Variants in ESRRB observed in about 807,000 individuals in gnomAD.
The protein encoded by ESRRB is estrogen related receptor beta, also known as steroid hormone receptor ERR2.
ESRRB carries 16 observed loss-of-function variants against 46.0 expected under a neutral mutation model. The observed-to-expected ratio is 0.35, with a 90% confidence interval of 0.24 to 0.53. The LOEUF (loss-of-function observed/expected upper bound fraction) is 0.53, where lower values mean the gene tolerates loss of function less well. ESRRB is among the 20% of genes least tolerant of loss of function. The pLI, the probability that ESRRB is intolerant of heterozygous loss-of-function variation, is 0.93. For missense variants in ESRRB, 488 were observed against 607.4 expected (o/e 0.80, Z 2.07); for synonymous variants, 246 against 259.6 (o/e 0.95, Z 0.50).
At chr14:76,381,738 C>T (rs982682592) in intron 1 of ESRRB, among the ~76,000 whole-genome samples, 4 of 152,116 alleles carry the variant, frequency 2.6e-5, no homozygotes, top group South Asian at 2.1e-4. Flanking sequence ...GGTGACTGTT[C>T]GCTGGCTCCT....
intron 1 of ESRRB, among the ~76,000 whole-genome samples, chr14:76,385,375 A>G (rs563695817): frequency 1.3e-4 from 20 of 152,296 alleles, no homozygotes; most frequent in African/African-American, 4.6e-4. Context: ...GAGAAATTTT[A>G]TATCTTCAAT....
intron 2 of ESRRB, 67 bp from the exon 3 acceptor site, chr14:76,462,478 C>A: frequency 8.3e-7 from 1 of 1,207,314 alleles, no homozygotes; most frequent in Non-Finnish European, 1.2e-6. Context: ...ATCCAGCCAG[C>A]CCTGCGCTGG....
At chr14:76,324,261 G>A (rs535253158) in intron 1 of ESRRB, among the ~76,000 whole-genome samples, 7 of 152,308 alleles carry the variant, frequency 4.6e-5, no homozygotes, top group African/African-American at 1.7e-4. Context: ...AGACTGGTCA[G>A]TTCCAACCCC....
chr14:76,433,619 C>A (rs939494008), intron 1 of ESRRB, among the ~76,000 whole-genome samples: 1 of 152,154 alleles, frequency 6.6e-6, no homozygotes, highest in African/African-American at 2.4e-5. Context: ...CATGAAGGCA[C>A]CCCTGCTCCG....
chr14:76,433,985 C>T (rs1209469831), intron 1 of ESRRB, among the ~76,000 whole-genome samples: 2 of 131,338 alleles, frequency 1.5e-5, no homozygotes, highest in Non-Finnish European at 3.2e-5. Flanking sequence ...TTTTTTGAGA[C>T]GGGGTCTCTG....
At chr14:76,388,467 G>A (rs1477781729) in intron 1 of ESRRB, among the ~76,000 whole-genome samples, 1 of 151,984 alleles carries the variant, frequency 6.6e-6, no homozygotes, top group South Asian at 2.1e-4. Flanking sequence ...TTACAGGCGT[G>A]AGCCACTGCA....
At chr14:76,441,078 G>C (rs1887903672) in intron 2 of ESRRB, among the ~76,000 whole-genome samples, 2 of 152,120 alleles carry the variant, frequency 1.3e-5, no homozygotes. Flanking sequence ...GTCTTGCTAT[G>C]TTGCCCAGGC....
chr14:76,318,984 C>G (rs1251094397), intron 1 of ESRRB, among the ~76,000 whole-genome samples: 1 of 152,178 alleles, frequency 6.6e-6, no homozygotes, highest in Non-Finnish European at 1.5e-5. Flanking sequence ...CTGAAGGGGA[C>G]TCCACTCCCA....
At chr14:76,430,201 T>C (rs765728307) in intron 1 of ESRRB, among the ~76,000 whole-genome samples, 2 of 152,178 alleles carry the variant, frequency 1.3e-5, no homozygotes, top group Non-Finnish European at 2.9e-5. Context: ...AGTATAGTAG[T>C]TCTAGGTGCC....
At chr14:76,338,689 T>G (rs1389667504) in intron 1 of ESRRB, among the ~76,000 whole-genome samples, 1 of 152,246 alleles carries the variant, frequency 6.6e-6, no homozygotes, top group African/African-American at 2.4e-5. Flanking sequence ...CTCATGCCTG[T>G]AATCCCACCA....
Position 76,482,614 on chromosome 14 carries a change from A to G in ESRRB, c.705A>G (p.Ser235=). The change falls in exon 5 of 7, where the codon TCA becomes TCG. Residue 235 remains serine (S), a synonymous_variant. Transcript: ENST00000644823. The surrounding 1 kb of genome is among the most constrained non-coding windows in gnomAD (Gnocchi z 4.3). ...PAKKPLTKIV[S]YLLVAEPDKL... is the part of the protein sequence containing the mutation. ...TTGTTGCAGTGACCAAGATTGTCTC[A>G]TACCTACTGGTGGCTGAGCCGGACA... The G allele has an allele frequency of 1.2e-6, 2 of 1,613,958 alleles. No homozygotes were observed. Among genetic ancestry groups the G allele is most frequent in the Non-Finnish European group, 1.7e-6 (2 of 1,179,938 alleles).
chr14:76,330,225 G>A (rs1566852549), intron 1 of ESRRB, among the ~76,000 whole-genome samples: 1 of 152,144 alleles, frequency 6.6e-6, no homozygotes, highest in Non-Finnish European at 1.5e-5. Flanking sequence ...CCAAGGGGCT[G>A]GCTCCCGAAT....
At chr14:76,355,299 G>T (rs1322195091) in intron 1 of ESRRB, among the ~76,000 whole-genome samples, 2 of 152,114 alleles carry the variant, frequency 1.3e-5, no homozygotes, top group Non-Finnish European at 2.9e-5. Context: ...CTGAGTTTGT[G>T]TGTGTTAAGG....
At chr14:76,314,180 A>C (rs1017647097) in intron 1 of ESRRB, among the ~76,000 whole-genome samples, 1 of 152,172 alleles carries the variant, frequency 6.6e-6, no homozygotes, top group Non-Finnish European at 1.5e-5. Context: ...CTTCTGTACA[A>C]CTTCTGTGCT....
At chr14:76,494,752 G>A (rs1306365298) in intron 6 of ESRRB, among the ~76,000 whole-genome samples, 1 of 152,210 alleles carries the variant, frequency 6.6e-6, no homozygotes, top group Non-Finnish European at 1.5e-5. Flanking sequence ...GGGCTTCGAG[G>A]TTCTGTCAGG....
rs1036623593 is a variant in ESRRB, at chr14:76,381,076, A to T, written c.50+4625A>T. 4.3e-4 allele frequency among the ~76,000 whole-genome samples: 65 copies of T among 152,252 alleles called. 1 individual carries two copies. The highest frequency in any genetic ancestry group is 1.5e-3 in the African/African-American group (62 of 41,542). On this transcript the variant is annotated intron_variant, in intron 1 of 6. Transcript: ENST00000644823. Reference sequence around the variant, plus strand: ...CTTAGACCTCTGGGGACAGTCACAGACATGGTCTTCCCTCAGAGGAGAGGC... The same window carrying T: ...CTTAGACCTCTGGGGACAGTCACAGTCATGGTCTTCCCTCAGAGGAGAGGC...
chr14:76,348,856 G>T (rs12889907), intron 1 of ESRRB, among the ~76,000 whole-genome samples: 41,965 of 152,004 alleles, frequency 0.28, 7,134 homozygotes, highest in African/African-American at 0.49. Context: ...GCCTAGGAAG[G>T]TGGGTGCATC....
chr14:76,468,496 A>G (rs1404444112), intron 3 of ESRRB, among the ~76,000 whole-genome samples: 3 of 148,798 alleles, frequency 2.0e-5, no homozygotes, highest in African/African-American at 4.9e-5. Context: ...CTCAGCCACA[A>G]TGACCTCTGG....
At chr14:76,422,417 T>G (rs992987381) in intron 1 of ESRRB, among the ~76,000 whole-genome samples, 3 of 152,000 alleles carry the variant, frequency 2.0e-5, no homozygotes, top group Non-Finnish European at 4.4e-5. Context: ...TTCACCATGT[T>G]GGCCAGGATG....
Sources: gnomAD v4.1 joint callset for allele counts (sites outside exome capture counted in the v4.1 genomes callset) on GRCh38, gnomAD v4.1.1 for gene constraint, Gnocchi (gnomAD v3.1) non-coding constraint, MANE v1.5 for transcripts, NCBI Gene and HGNC (gene_info 2026-07-23, HGNC 2026-07-21) for gene names.